SPIRE1: variants seen among roughly 807,000 people sequenced by gnomAD.
SPIRE1 encodes spire type actin nucleation factor 1, also known as protein spire homolog 1.
In SPIRE1, 40 loss-of-function variants were observed where a neutral mutation model predicts 94.1. The ratio of observed to expected loss-of-function variants is 0.43; its 90% CI spans 0.33 to 0.55. SPIRE1 has a LOEUF of 0.55. SPIRE1 is among the 20% of genes least tolerant of loss of function. The pLI, the probability that SPIRE1 is intolerant of heterozygous loss-of-function variation, is 0.06. For synonymous variants in SPIRE1, 376 were observed against 371.7 expected (o/e 1.01, Z -0.13); for missense variants, 838 against 975.2 (o/e 0.86, Z 1.87).
At chr18:12,595,374 G>A (rs989714774) in intron 2 of SPIRE1, among the ~76,000 whole-genome samples, 1 of 152,088 alleles carries the variant, frequency 6.6e-6, no homozygotes, top group South Asian at 2.1e-4. Context: ...TATGTTACCG[G>A]TAAGACTTTC....
chr18:12,529,045 A>G (rs2034606090), intron 4 of SPIRE1, among the ~76,000 whole-genome samples: 1 of 152,292 alleles, frequency 6.6e-6, no homozygotes, highest in South Asian at 2.1e-4. Flanking sequence ...GATGGCTGCT[A>G]AAAGGGAGAT....
At chr18:12,566,585 G>T (rs1023310939) in intron 2 of SPIRE1, among the ~76,000 whole-genome samples, 1 of 151,970 alleles carries the variant, frequency 6.6e-6, no homozygotes, top group Non-Finnish European at 1.5e-5. Context: ...ATTAGTACAG[G>T]GCACTCACAT....
At chr18:12,621,562 T>C (rs2037468484) in intron 2 of SPIRE1, among the ~76,000 whole-genome samples, 1 of 152,204 alleles carries the variant, frequency 6.6e-6, no homozygotes, top group Admixed American at 6.5e-5. Flanking sequence ...TACTGATACA[T>C]GTATGACATG....
chr18:12,523,626 T>C (rs1475657306), intron 4 of SPIRE1, among the ~76,000 whole-genome samples: 1 of 152,210 alleles, frequency 6.6e-6, no homozygotes, highest in Non-Finnish European at 1.5e-5. Context: ...AGCAAAAAGA[T>C]TACAACTCAC....
chr18:12,623,283 A>G (rs2037527365), intron 2 of SPIRE1, among the ~76,000 whole-genome samples: 1 of 151,682 alleles, frequency 6.6e-6, no homozygotes, highest in Admixed American at 6.6e-5. Flanking sequence ...CCTCCTGAGT[A>G]GCTGGGACTA....
intron 6 of SPIRE1, 57 bp from the exon 7 acceptor site, chr18:12,496,159 TC>T: frequency 8.3e-7 from 1 of 1,212,042 alleles, no homozygotes; most frequent in South Asian, 1.2e-5. Context: ...ATCATGAATT[TC>T]TGGGTATAGC....
chr18:12,493,746 A>G (rs1451966652), intron 7 of SPIRE1, among the ~76,000 whole-genome samples: 3 of 152,122 alleles, frequency 2.0e-5, no homozygotes, highest in Non-Finnish European at 4.4e-5. Flanking sequence ...CTTCTGCCTG[A>G]GCCTCCCAAG....
In SPIRE1 at chr18:12,628,603, G is replaced by C. The variant is rs531106574; in HGVS notation, c.372+6459C>G. 2.6e-5 allele frequency among the ~76,000 whole-genome samples: 4 copies of C among 152,266 alleles called. No homozygotes were observed. In the South Asian group the frequency reaches 8.3e-4, roughly 32 times the overall value. ...CTGTGAAGAAAGTCATTGGTAGCTT[G>C]ATGGGGATGGCATTGAATCTATAAA... On this transcript the variant is annotated intron_variant, in intron 2 of 16. Transcript: ENST00000409402.
At chr18:12,463,281 A>T (rs750274121) in intron 12 of SPIRE1, 70 bp downstream of exon 12, 70 of 1,406,414 alleles carry the variant, frequency 5.0e-5, no homozygotes, top group Non-Finnish European at 6.6e-5. Context: ...TATCATCTTC[A>T]TAAGAAAGCT....
At chr18:12,654,578 C>T (rs1299075713) in intron 1 of SPIRE1, among the ~76,000 whole-genome samples, 6 of 151,300 alleles carry the variant, frequency 4.0e-5, no homozygotes, top group South Asian at 4.2e-4. Context: ...ACCTGGGAGG[C>T]GGAGCTTGCA....
chr18:12,469,722 AAATATAATTATATATTATATAT>A (rs1020872771), intron 10 of SPIRE1, among the ~76,000 whole-genome samples: 10 of 144,258 alleles, frequency 6.9e-5, no homozygotes, highest in South Asian at 2.1e-4. Context: ...ATATTTATAT[AAATATAATTATATATTATATAT>A]AATATAATTA....
chr18:12,557,182 C>T lies in SPIRE1; in HGVS notation c.373-10278G>A, dbSNP rs185163503. 3.2e-3 allele frequency among the ~76,000 whole-genome samples: 491 copies of T among 152,308 alleles called. 1 individual carries two copies. The highest frequency in any genetic ancestry group is 4.6e-3 in the Admixed American group (71 of 15,310). ...CCCTTGGGCAGTCAATGGGACCGGT[C>T]GCCGCGGAGCAGGGGGTGGCGCCCG... is the stretch of plus-strand genomic sequence containing the variant. On this transcript the variant is annotated intron_variant, in intron 2 of 16. Coordinates refer to ENST00000409402, the MANE Select transcript of SPIRE1 (RefSeq NM_001128626.2).
chr18:12,633,511 G>A (rs182209123), intron 2 of SPIRE1, among the ~76,000 whole-genome samples: 2 of 151,986 alleles, frequency 1.3e-5, no homozygotes, highest in Non-Finnish European at 2.9e-5. Flanking sequence ...GGGAGGTGGA[G>A]GTTGCAGTGA....
At chr18:12,608,413 T>C (rs944368162) in intron 2 of SPIRE1, among the ~76,000 whole-genome samples, 1 of 152,214 alleles carries the variant, frequency 6.6e-6, no homozygotes, top group South Asian at 2.1e-4. Flanking sequence ...TTGTTTCTAG[T>C]AAGGTAAAGT....
At chr18:12,595,940 G>C (rs1421940038) in intron 2 of SPIRE1, among the ~76,000 whole-genome samples, 1 of 152,166 alleles carries the variant, frequency 6.6e-6, no homozygotes, top group Non-Finnish European at 1.5e-5. Context: ...AAGAGGGGAT[G>C]GGGGATTGGA....
At chr18:12,545,505 T>C (rs1017088830) in intron 3 of SPIRE1, among the ~76,000 whole-genome samples, 1 of 152,298 alleles carries the variant, frequency 6.6e-6, no homozygotes, top group Non-Finnish European at 1.5e-5. Flanking sequence ...AGATACACCA[T>C]TGACACTGCT....
At chr18:12,557,715 T>TAC (rs764004658) in intron 2 of SPIRE1, among the ~76,000 whole-genome samples, 1 of 147,234 alleles carries the variant, frequency 6.8e-6, no homozygotes, top group Non-Finnish European at 1.5e-5. Context: ...AATATACAAA[T>TAC]ATATATATAT....
At position 12,546,695 on chromosome 18, in the gene SPIRE1, C is replaced by G; in HGVS notation, c.582G>C (p.Arg194=). Reference sequence around the variant, plus strand: ...TTACCTTCATGACATCTCTATATGACCGAATAGCTGAGATTTTTCTCTTTT... The same window carrying G: ...TTACCTTCATGACATCTCTATATGAGCGAATAGCTGAGATTTTTCTCTTTT... ...EDEKRKISAI[R]SYRDVMKLCA... Residue 194 remains arginine, a synonymous_variant, in exon 3 of 17, where the codon CGG becomes CGC. Transcript: ENST00000409402. The G allele has an allele frequency of 6.2e-7, 1 of 1,613,070 alleles. No homozygotes were observed. Among genetic ancestry groups the G allele is most frequent in the Non-Finnish European group, 8.5e-7 (1 of 1,179,274 alleles).
At chr18:12,551,641 G>C (rs903980985) in intron 2 of SPIRE1, among the ~76,000 whole-genome samples, 2 of 151,944 alleles carry the variant, frequency 1.3e-5, no homozygotes, top group Non-Finnish European at 2.9e-5. Flanking sequence ...GGTAGAGCTT[G>C]CAGTGAGCCA....
Sources: allele counts gnomAD v4.1 joint callset (sites outside exome capture counted in the v4.1 genomes callset), GRCh38; gene constraint gnomAD v4.1.1; transcripts MANE v1.5; gene names NCBI Gene and HGNC (gene_info 2026-07-23, HGNC 2026-07-21).